The following DPY19L2 variants were observed in gnomAD, a reference collection of about 807,000 sequenced individuals.
The protein encoded by DPY19L2 is dpy-19 like 2.
A neutral mutation model predicts 97.9 loss-of-function variants in DPY19L2; 34 were observed. The ratio of observed to expected loss-of-function variants is 0.35; its 90% CI spans 0.26 to 0.46. The LOEUF (loss-of-function observed/expected upper bound fraction) is 0.46, where lower values mean the gene tolerates loss of function less well. Among genes scored for constraint, DPY19L2 ranks in the 20% least tolerant of loss-of-function variants. The probability of loss-of-function intolerance (pLI) is 1.00; values close to 1 mark genes in which losing one functional copy is unlikely to be tolerated. For synonymous variants in DPY19L2, 230 were observed against 307.9 expected (o/e 0.75, Z 2.65); for missense variants, 623 against 911.4 (o/e 0.68, Z 4.07).
intron 17 of DPY19L2, 148 bp downstream of exon 17, chr12:63,583,664 A>G: frequency 1.6e-6 from 1 of 632,606 alleles, no homozygotes. Context: ...AGCAGATGAA[A>G]GAGTGAGAAG....
At chr12:63,631,606 C>A (rs2912348) in intron 6 of DPY19L2, among the ~76,000 whole-genome samples, 1 of 152,028 alleles carries the variant, frequency 6.6e-6, no homozygotes, top group Non-Finnish European at 1.5e-5. Flanking sequence ...CAGGACCAGA[C>A]AGAGTCACAG....
chr12:63,611,976 T>A (rs1887081612), intron 11 of DPY19L2, among the ~76,000 whole-genome samples: 1 of 152,010 alleles, frequency 6.6e-6, no homozygotes, highest in African/African-American at 2.4e-5. Context: ...GCACATTATA[T>A]AAACAAACTG....
Position 63,587,665 on chromosome 12 carries a change from T to C in DPY19L2, c.1581-3829A>G, listed in dbSNP as rs549038360. On this transcript the variant is annotated intron_variant, in intron 16 of 21. Coordinates refer to ENST00000324472, the MANE Select transcript of DPY19L2 (RefSeq NM_173812.5). ...TTGGCTCACTGCAACCTCCAACTCC[T>C]GGGTTCCAGCGATTCTCCTGCCTCA... Among the ~76,000 whole-genome samples the C allele has an allele frequency of 2.4e-4, 36 of 151,698 alleles. 1 individual carries two copies. The South Asian group carries it at 6.0e-3, about 25-fold the overall frequency.
intron 6 of DPY19L2, among the ~76,000 whole-genome samples, chr12:63,629,453 A>AT (rs1890184071): frequency 1.3e-5 from 2 of 152,190 alleles, no homozygotes; most frequent in African/African-American, 2.4e-5. Context: ...ATCAACTGGA[A>AT]GAAAGGGTAT....
chr12:63,586,259 A>G (rs559981065), intron 16 of DPY19L2, among the ~76,000 whole-genome samples: 2 of 152,318 alleles, frequency 1.3e-5, no homozygotes, highest in South Asian at 4.1e-4. Context: ...TCAATCAAAT[A>G]TGAGGGCAAA....
intron 4 of DPY19L2, among the ~76,000 whole-genome samples, chr12:63,656,441 GTC>G (rs1565850483): frequency 6.6e-6 from 1 of 152,182 alleles, no homozygotes; most frequent in Non-Finnish European, 1.5e-5. Context: ...TTGTGAGATA[GTC>G]TCTGTCTCAT....
intron 18 of DPY19L2, among the ~76,000 whole-genome samples, chr12:63,581,829 C>G (rs1258706635): frequency 6.8e-6 from 1 of 147,678 alleles, no homozygotes; most frequent in Non-Finnish European, 1.5e-5. Flanking sequence ...GAGACAGAGT[C>G]TCACTCTGTC....
intron 4 of DPY19L2, among the ~76,000 whole-genome samples, chr12:63,657,412 G>C (rs1448469732): frequency 6.6e-6 from 1 of 152,260 alleles, no homozygotes; most frequent in Non-Finnish European, 1.5e-5. Flanking sequence ...CCAAAGGCTT[G>C]TTAATGTAAT....
chr12:63,620,414 G>C (rs1195491492), intron 9 of DPY19L2, among the ~76,000 whole-genome samples: 2 of 152,074 alleles, frequency 1.3e-5, no homozygotes, highest in Non-Finnish European at 2.9e-5. Context: ...TTGGCACCCA[G>C]AATGATTCCC....
At chr12:63,592,064 G>GCAAGAGAAGACAAGAGAAGA (rs1259286410) in intron 16 of DPY19L2, among the ~76,000 whole-genome samples, 7 of 64,126 alleles carry the variant, frequency 1.1e-4, no homozygotes, top group East Asian at 4.7e-4. Context: ...GGAAGGGAAG[G>GCAAGAGAAGACAAGAGAAGA]CAAGAGAAGA....
chr12:63,661,147 C>T (rs1181626170), intron 4 of DPY19L2, 197 bp downstream of exon 4: 6 of 406,884 alleles, frequency 1.5e-5, no homozygotes, highest in East Asian at 4.7e-5. Context: ...GTTCATTCTT[C>T]GAGTTCATGA....
chr12:63,559,177 T>C lies in DPY19L2; in HGVS notation c.*1335A>G, dbSNP rs1406046573. ...GAAAATGCTAAAATAAAATGTGGCA[T>C]GTTTTCTTAGCTGTTTTGTATTCTG... On this transcript the variant is annotated 3_prime_UTR_variant, in exon 22 of 22. Transcript: ENST00000324472. 1.3e-5 allele frequency: 2 copies of C among 152,330 alleles called. No individual in the cohort carries two copies. The highest frequency in any genetic ancestry group is 4.8e-5 in the African/African-American group (2 of 41,588). The allele number at this position is 152,330 out of a possible 1,614,324, so 9.4% of individuals were successfully genotyped here. A position where few individuals can be genotyped will look rare whatever the true frequency, so the allele number is the denominator to read the frequency against.
chr12:63,620,988 G>A lies in DPY19L2; in HGVS notation c.1053+250C>T, dbSNP rs530253891. On this transcript the variant is annotated intron_variant, in intron 9 of 21. Coordinates refer to ENST00000324472, the MANE Select transcript of DPY19L2 (RefSeq NM_173812.5). ...ACACCACATGTTCTCACTTATAAGT[G>A]GGAGCTGAACAATGAGAATACATGG... Among the ~76,000 whole-genome samples, 677 of 151,856 alleles carry A rather than the reference G, an allele frequency of 4.5e-3. 4 individuals carry two copies. Among genetic ancestry groups the A allele is most frequent in the African/African-American group, 0.015 (629 of 41,398 alleles).
intron 5 of DPY19L2, among the ~76,000 whole-genome samples, chr12:63,646,402 T>A (rs896669389): frequency 5.3e-5 from 8 of 152,086 alleles, no homozygotes; most frequent in Non-Finnish European, 1.5e-5. Flanking sequence ...TAATTGCCCC[T>A]CAAACATCCT....
chr12:63,603,512 C>T (rs1360651003), intron 12 of DPY19L2, among the ~76,000 whole-genome samples: 1 of 152,114 alleles, frequency 6.6e-6, no homozygotes, highest in Non-Finnish European at 1.5e-5. Flanking sequence ...TTTCCTGATG[C>T]TCTCCCTTCC....
At chr12:63,632,450 C>G (rs1890864714) in intron 6 of DPY19L2, among the ~76,000 whole-genome samples, 1 of 152,186 alleles carries the variant, frequency 6.6e-6, no homozygotes, top group African/African-American at 2.4e-5. Flanking sequence ...AACCATGAGG[C>G]AACTCCCATT....
chr12:63,659,057 T>C (rs1388745131), intron 4 of DPY19L2, among the ~76,000 whole-genome samples: 1 of 152,120 alleles, frequency 6.6e-6, no homozygotes, highest in Non-Finnish European at 1.5e-5. Flanking sequence ...ATGTCAATTA[T>C]ACCTCAATAA....
At chr12:63,566,674 T>A (rs1366905338) in intron 21 of DPY19L2, among the ~76,000 whole-genome samples, 1 of 152,094 alleles carries the variant, frequency 6.6e-6, no homozygotes, top group South Asian at 2.1e-4. Context: ...AGATCACTAT[T>A]ATTTAATCAT....
At position 63,623,162 on chromosome 12, in the gene DPY19L2, C is replaced by A. The variant is rs1211638694; in HGVS notation, c.953+878G>T. 5.3e-5 allele frequency among the ~76,000 whole-genome samples: 8 copies of A among 151,434 alleles called. No homozygotes were observed. In the South Asian group the frequency reaches 1.3e-3, roughly 24 times the overall value. On this transcript the variant is annotated intron_variant, in intron 8 of 21. Transcript: ENST00000324472. The stretch of plus-strand genomic sequence containing the variant: ...TGATAAGGTTATTTATACTATTCTA[C>A]CACTTATGGGGTTTTTTGTTCATTT...
Sources: allele counts gnomAD v4.1 joint callset (sites outside exome capture counted in the v4.1 genomes callset), GRCh38; gene constraint gnomAD v4.1.1; transcripts MANE v1.5; gene names NCBI Gene and HGNC (gene_info 2026-07-23, HGNC 2026-07-21).